The following SLC25A48 variants were observed in gnomAD, a reference collection of about 807,000 sequenced individuals.
SLC25A48 encodes the protein solute carrier family 25 member 48.
SLC25A48 carries 29 observed loss-of-function variants against 32.2 expected under a neutral mutation model. The ratio of observed to expected loss-of-function variants is 0.90; its 90% CI spans 0.67 to 1.23. The LOEUF (loss-of-function observed/expected upper bound fraction) is 1.23, where lower values mean the gene tolerates loss of function less well. SLC25A48 is among the 50% of genes most tolerant of loss of function. SLC25A48 has a pLI of 0.00. For synonymous variants in SLC25A48, 164 were observed against 172.3 expected (o/e 0.95, Z 0.38); for missense variants, 399 against 422.7 (o/e 0.94, Z 0.49).
intron 3 of SLC25A48, among the ~76,000 whole-genome samples, chr5:135,785,754 GA>G (rs1756826716): frequency 7.1e-6 from 1 of 140,970 alleles, no homozygotes; most frequent in African/African-American, 2.6e-5. Flanking sequence ...GGGCGGGGGT[GA>G]AACATCCCGC....
intron 2 of SLC25A48, among the ~76,000 whole-genome samples, chr5:135,846,551 A>G (rs1759437183): frequency 6.6e-6 from 1 of 152,158 alleles, no homozygotes; most frequent in Admixed American, 6.5e-5. Flanking sequence ...CTCACCTCTG[A>G]CACTGAGCAC....
intron 3 of SLC25A48, among the ~76,000 whole-genome samples, chr5:135,708,821 A>G (rs187385263): frequency 6.6e-6 from 1 of 152,336 alleles, no homozygotes; most frequent in African/African-American, 2.4e-5. Flanking sequence ...CGAGTGAGTG[A>G]GTACCATGAA....
intron 4 of SLC25A48, among the ~76,000 whole-genome samples, chr5:135,869,565 T>C (rs975308917): frequency 6.6e-6 from 1 of 152,228 alleles, no homozygotes; most frequent in Non-Finnish European, 1.5e-5. Flanking sequence ...CCATAGTTGC[T>C]TCATGAAAAC....
chr5:135,750,426 T>A (rs1318069193), intron 3 of SLC25A48, among the ~76,000 whole-genome samples: 1 of 152,192 alleles, frequency 6.6e-6, no homozygotes, highest in Admixed American at 6.5e-5. Flanking sequence ...TCCCTCCTAG[T>A]GGCCTCCCTC....
chr5:135,799,397 G>A (rs535192174), intron 3 of SLC25A48, among the ~76,000 whole-genome samples: 163 of 151,060 alleles, frequency 1.1e-3, no homozygotes, highest in African/African-American at 3.8e-3. Context: ...GTGCCCCCCC[G>A]CCCCGTGATA....
At position 135,695,498 on chromosome 5, in the gene SLC25A48, A is replaced by G. The variant is rs145847634; in HGVS notation, c.-521+60542A>G. 1.4e-4 allele frequency among the ~76,000 whole-genome samples: 22 copies of G among 152,260 alleles called. No individual in the cohort carries two copies. The East Asian group carries it at 4.1e-3, about 28-fold the overall frequency. ...CATGCTTTGCAGGTGGCAGGTTGCA[A>G]TGGGCACAGCCCCAGTCCTCCTGCC... On this transcript the variant is annotated intron_variant, in intron 3 of 10. Coordinates refer to the SLC25A48 transcript ENST00000646290.
chr5:135,749,680 C>T (rs1433379721), intron 3 of SLC25A48, among the ~76,000 whole-genome samples: 1 of 152,102 alleles, frequency 6.6e-6, no homozygotes, highest in Non-Finnish European at 1.5e-5. Flanking sequence ...CAACCTCTGC[C>T]TCCCGGGTTC....
Position 135,585,367 on chromosome 5 carries a change from A to G in SLC25A48, c.-849+5770A>G, listed in dbSNP as rs536625809. Among the ~76,000 whole-genome samples, 4 of 152,296 alleles carry G rather than the reference A, an allele frequency of 2.6e-5. No homozygotes were observed. In the East Asian group the frequency reaches 7.7e-4, roughly 29 times the overall value. On this transcript the variant is annotated intron_variant, in intron 1 of 10. Coordinates refer to the SLC25A48 transcript ENST00000646290. ...TGAAACTGCGAAGATGTCATTTTAC[A>G]GGGAAGCCCTCCTTGACTGCACACA...
intron 3 of SLC25A48, among the ~76,000 whole-genome samples, chr5:135,715,548 C>T (rs534677441): frequency 6.6e-6 from 1 of 152,304 alleles, no homozygotes; most frequent in South Asian, 2.1e-4. Flanking sequence ...TGAAATGCTG[C>T]CCAGGAGCGG....
chr5:135,700,639 G>C (rs1017761571), intron 3 of SLC25A48, among the ~76,000 whole-genome samples: 11 of 152,126 alleles, frequency 7.2e-5, no homozygotes, highest in Non-Finnish European at 1.0e-4. Flanking sequence ...CCAGGCTTAG[G>C]TTTTATATTT....
intron 3 of SLC25A48, among the ~76,000 whole-genome samples, chr5:135,794,649 G>C (rs1473827814): frequency 6.6e-6 from 1 of 151,456 alleles, no homozygotes; most frequent in Non-Finnish European, 1.5e-5. Flanking sequence ...AAGATCGCAG[G>C]GGGTGTACAA....
intron 7 of SLC25A48, among the ~76,000 whole-genome samples, chr5:135,884,933 A>G (rs945674189): frequency 2.4e-4 from 36 of 152,138 alleles, no homozygotes; most frequent in African/African-American, 8.4e-4. Context: ...AGAAGGAGGC[A>G]TGCAGAGAGA....
chr5:135,883,404 G>A lies in SLC25A48; in HGVS notation c.*7+3307G>A, dbSNP rs534913817. The A allele has an allele frequency of 1.7e-3, 1,637 of 985,472 alleles. 4 individuals are homozygous for A. Among genetic ancestry groups the A allele is most frequent in the Non-Finnish European group, 1.9e-3 (1,547 of 829,946 alleles). 61.0% of individuals were successfully genotyped at this position (985,472 alleles called of 1,614,324 possible). On this transcript the variant is annotated intron_variant, in intron 7 of 7. Transcript: ENST00000681962. ...GTAAACTCACTGTGAATTCATGGAA[G>A]AGCTGGAGTTGGCTCTAAGTTTCAA...
chr5:135,635,701 G>A (rs1752685613), intron 3 of SLC25A48, among the ~76,000 whole-genome samples: 1 of 152,190 alleles, frequency 6.6e-6, no homozygotes, highest in Non-Finnish European at 1.5e-5. Flanking sequence ...CACCACGGCT[G>A]GTTTCAATTT....
chr5:135,597,496 G>T (rs1295278621), intron 1 of SLC25A48, among the ~76,000 whole-genome samples: 2 of 152,238 alleles, frequency 1.3e-5, no homozygotes, highest in Non-Finnish European at 2.9e-5. Context: ...TGCTCTTGCA[G>T]TTCCACCAGG....
At chr5:135,582,626 A>C (rs541870283) in intron 1 of SLC25A48, among the ~76,000 whole-genome samples, 2 of 152,290 alleles carry the variant, frequency 1.3e-5, no homozygotes, top group Admixed American at 6.5e-5. Flanking sequence ...GATCTCATGC[A>C]GAGTGGAAGC....
chr5:135,580,578 G>T (rs1410577413), intron 1 of SLC25A48, among the ~76,000 whole-genome samples: 1 of 152,196 alleles, frequency 6.6e-6, no homozygotes, highest in Non-Finnish European at 1.5e-5. Flanking sequence ...GTGCTGTTGT[G>T]CCTATACCTA....
intron 3 of SLC25A48, among the ~76,000 whole-genome samples, chr5:135,656,255 C>G (rs1370798437): frequency 6.6e-6 from 1 of 151,334 alleles, no homozygotes; most frequent in South Asian, 2.1e-4. Flanking sequence ...GTTCTCAGGA[C>G]CACATTGGCC....
chr5:135,616,554 C>A (rs1293845835), intron 1 of SLC25A48, among the ~76,000 whole-genome samples: 1 of 152,200 alleles, frequency 6.6e-6, no homozygotes, highest in Non-Finnish European at 1.5e-5. Flanking sequence ...GGAATGGGAG[C>A]ACTTACCCAA....
Sources: gnomAD v4.1 joint callset for allele counts (sites outside exome capture counted in the v4.1 genomes callset) on GRCh38, gnomAD v4.1.1 for gene constraint, MANE v1.5 for transcripts, NCBI Gene and HGNC (gene_info 2026-07-23, HGNC 2026-07-21) for gene names.